The following LGR6 variants were observed in gnomAD, a reference collection of about 807,000 sequenced individuals.
LGR6 encodes leucine rich repeat containing G protein-coupled receptor 6, also known as leucine-rich repeat-containing G protein-coupled receptor 6.
A neutral mutation model predicts 69.4 loss-of-function variants in LGR6; 45 were observed. That is an observed-to-expected ratio of 0.65 (90% confidence interval 0.51 to 0.83). The LOEUF is 0.83. Among genes scored for constraint, LGR6 ranks in the 40% least tolerant of loss-of-function variants. The pLI is 0.00. For synonymous variants in LGR6, 538 were observed against 555.0 expected (o/e 0.97, Z 0.43); for missense variants, 1,108 against 1,246.7 (o/e 0.89, Z 1.68).
intron 3 of LGR6, among the ~76,000 whole-genome samples, chr1:202,229,143 A>G (rs1660805949): frequency 6.6e-6 from 1 of 152,126 alleles, no homozygotes; most frequent in African/African-American, 2.4e-5. Context: ...GGTCAAGTTC[A>G]ACACTCCACA....
At chr1:202,235,075 G>A (rs1045460849) in intron 3 of LGR6, among the ~76,000 whole-genome samples, 14 of 152,132 alleles carry the variant, frequency 9.2e-5, no homozygotes, top group African/African-American at 2.9e-4. Context: ...GACTCCCTGC[G>A]CTTTCGAGTG....
chr1:202,271,097 G>A (rs1019114463), intron 4 of LGR6, among the ~76,000 whole-genome samples: 1 of 152,196 alleles, frequency 6.6e-6, no homozygotes, highest in Admixed American at 6.5e-5. Context: ...CGCTGCTGGG[G>A]GTTGTTGATT....
At chr1:202,301,331 G>A (rs781338281) in intron 9 of LGR6, 96 bp downstream of exon 9, 109 of 1,068,864 alleles carry the variant, frequency 1.0e-4, no homozygotes, top group Non-Finnish European at 1.5e-4. Flanking sequence ...TCTCTCCCTT[G>A]CAAGGCACAA....
At chr1:202,250,031 T>C (rs1198682890) in intron 4 of LGR6, among the ~76,000 whole-genome samples, 1 of 152,248 alleles carries the variant, frequency 6.6e-6, no homozygotes, top group Admixed American at 6.5e-5. Context: ...TGCCCATCTC[T>C]CACCACTTCC....
At chr1:202,307,926 C>G (rs572178997) in intron 14 of LGR6, among the ~76,000 whole-genome samples, 2 of 152,302 alleles carry the variant, frequency 1.3e-5, no homozygotes, top group South Asian at 4.1e-4. Flanking sequence ...GAAGGGGCCT[C>G]TGCTGCAGCT....
Position 202,301,212 on chromosome 1 carries a change from G to C in LGR6, c.906G>C (p.Gln302His). ...AGTTTGTGGGAAGATCGGCATTCCA[G>C]TACCTGCCTAAACTCCACACACTGT... ...PIQFVGRSAFQYLPKLHTLSL... is the reference protein window; with the variant it reads ...PIQFVGRSAFHYLPKLHTLSL... Residue 302 changes from glutamine to histidine, a missense_variant, in exon 9 of 18, where the codon CAG (glutamine) becomes CAC (histidine). Coordinates refer to ENST00000367278, the MANE Select transcript of LGR6 (RefSeq NM_001017403.2). 1 of 1,614,158 alleles carries C rather than the reference G, an allele frequency of 6.2e-7. No homozygotes were observed. Among genetic ancestry groups the C allele is most frequent in the Non-Finnish European group, 8.5e-7 (1 of 1,180,020 alleles).
chr1:202,229,938 G>A (rs913750276), intron 3 of LGR6, among the ~76,000 whole-genome samples: 2 of 152,184 alleles, frequency 1.3e-5, no homozygotes, highest in African/African-American at 2.4e-5. Context: ...ACTTTCTGAT[G>A]TCTGATGTCA....
chr1:202,300,050 C>G (rs1345377181), intron 7 of LGR6, among the ~76,000 whole-genome samples: 1 of 152,148 alleles, frequency 6.6e-6, no homozygotes, highest in Non-Finnish European at 1.5e-5. Flanking sequence ...GCTGTTGACA[C>G]TTCTGTTTCT....
At chr1:202,287,447 T>G (rs1475798412) in intron 6 of LGR6, among the ~76,000 whole-genome samples, 1 of 152,152 alleles carries the variant, frequency 6.6e-6, no homozygotes, top group Admixed American at 6.5e-5. Flanking sequence ...CTGTTTACGC[T>G]TCTCTCCCTC....
chr1:202,242,335 C>T (rs896611289), intron 4 of LGR6, among the ~76,000 whole-genome samples: 6 of 152,266 alleles, frequency 3.9e-5, no homozygotes, highest in East Asian at 1.9e-4. Context: ...TCCTTTAGTA[C>T]ATCCCCTAAA....
At chr1:202,231,471 A>C (rs977912192) in intron 3 of LGR6, among the ~76,000 whole-genome samples, 1 of 152,140 alleles carries the variant, frequency 6.6e-6, no homozygotes, top group African/African-American at 2.4e-5. Flanking sequence ...GATGACAGGG[A>C]GTGGATCTAG....
chr1:202,279,072 C>A (rs1455453702), intron 5 of LGR6, among the ~76,000 whole-genome samples: 2 of 151,988 alleles, frequency 1.3e-5, no homozygotes, highest in Non-Finnish European at 2.9e-5. Context: ...GCTGAGATGG[C>A]CTGGACCTGA....
At chr1:202,255,341 C>T (rs529836683) in intron 4 of LGR6, among the ~76,000 whole-genome samples, 1 of 152,148 alleles carries the variant, frequency 6.6e-6, no homozygotes, top group Non-Finnish European at 1.5e-5. Flanking sequence ...GCCTTGGGGT[C>T]AGGAGGAGCG....
At position 202,268,480 on chromosome 1, in the gene LGR6, A is replaced by C. The variant is rs1253628550; in HGVS notation, c.429-7826A>C. Among the ~76,000 whole-genome samples the C allele has an allele frequency of 6.7e-6, 1 of 149,238 alleles. No individual in the cohort carries two copies. Among genetic ancestry groups the C allele is most frequent in the African/African-American group, 2.5e-5 (1 of 40,376 alleles). On this transcript the variant is annotated intron_variant, in intron 4 of 17. Transcript: ENST00000367278. This position sits in a 1 kb window ranked among gnomAD's most constrained non-coding sequence, Gnocchi z 4.4. ...GCTTTTTTTTTTTTTAACTTTTAAT[A>C]TCCTCCCCCTTCCACCCTCCATTCT... is the stretch of plus-strand genomic sequence containing the variant.
rs115192450 is a variant in LGR6 at position 202,317,268 on chromosome 1, G to A, written c.1649-684G>A. Among the ~76,000 whole-genome samples, 925 of 152,086 alleles carry A rather than the reference G, an allele frequency of 6.1e-3. 5 individuals carry two copies. The highest frequency in any genetic ancestry group is 0.022 in the African/African-American group (893 of 41,466). On this transcript the variant is annotated intron_variant, in intron 17 of 17. Transcript: ENST00000367278. Reference sequence around the variant, plus strand: ...CTGTCCTTCCTTTCTTTCCAGTGCTGTCCTTCACTTAACATTTCCTCAATA... The same window carrying A: ...CTGTCCTTCCTTTCTTTCCAGTGCTATCCTTCACTTAACATTTCCTCAATA...
chr1:202,234,638 T>C (rs1418031615), intron 3 of LGR6, among the ~76,000 whole-genome samples: 1 of 152,172 alleles, frequency 6.6e-6, no homozygotes, highest in Non-Finnish European at 1.5e-5. Flanking sequence ...CAGTTAGCAG[T>C]TGTGTGCACC....
In LGR6 at chr1:202,235,839, G is replaced by C. The variant is rs1685653790; in HGVS notation, c.357-83G>C. The C allele has an allele frequency of 2.4e-5, 28 of 1,170,786 alleles. No homozygotes were observed. In the South Asian group the frequency reaches 3.2e-4, roughly 13 times the overall value. The allele number at this position is 1,170,786 out of a possible 1,614,324, so 72.5% of individuals were successfully genotyped here. On this transcript the variant is annotated intron_variant, in intron 3 of 17. Coordinates refer to ENST00000367278, the MANE Select transcript of LGR6 (RefSeq NM_001017403.2). ...AGAAGGAGGGGTCTGGCTTGGGACTGGGGGTTCAAGGGAGGAGTCAGCACC... is the reference window on the plus strand; with the variant it reads ...AGAAGGAGGGGTCTGGCTTGGGACTCGGGGTTCAAGGGAGGAGTCAGCACC...
intron 1 of LGR6, among the ~76,000 whole-genome samples, chr1:202,210,507 C>T (rs1659423530): frequency 6.6e-6 from 1 of 151,788 alleles, no homozygotes; most frequent in African/African-American, 2.4e-5. Context: ...CAGCCCTCTT[C>T]AGACCTGGTA....
At chr1:202,229,382 T>C (rs1216888923) in intron 3 of LGR6, among the ~76,000 whole-genome samples, 2 of 152,162 alleles carry the variant, frequency 1.3e-5, no homozygotes, top group African/African-American at 4.8e-5. Flanking sequence ...CCCCATAAAC[T>C]TCTCTGCCCT....
Sources: gnomAD v4.1 joint callset for allele counts (sites outside exome capture counted in the v4.1 genomes callset) on GRCh38, gnomAD v4.1.1 for gene constraint, Gnocchi (gnomAD v3.1) non-coding constraint, MANE v1.5 for transcripts, NCBI Gene and HGNC (gene_info 2026-07-23, HGNC 2026-07-21) for gene names.